The following MYO5B variants were observed in gnomAD, a reference collection of about 807,000 sequenced individuals.
MYO5B encodes myosin VB, also known as unconventional myosin-Vb.
MYO5B carries 143 observed loss-of-function variants against 229.3 expected under a neutral mutation model. The ratio of observed to expected loss-of-function variants is 0.62; its 90% confidence interval spans 0.54 to 0.72. The LOEUF is 0.72. Ranked by LOEUF, MYO5B falls within the 30% of genes least tolerant of loss-of-function variation. The probability of loss-of-function intolerance (pLI) is 0.00; values close to 1 mark genes in which losing one functional copy is unlikely to be tolerated. For missense variants in MYO5B, 2,321 were observed against 2,331.0 expected, an observed-to-expected ratio of 1.00 and a Z score of 0.09; for synonymous variants, 918 against 885.2, an observed-to-expected ratio of 1.04 and a Z score of -0.66.
Position 50,194,950 on chromosome 18 carries a change from G to C in MYO5B, c.-157C>G, listed in dbSNP as rs1020290010. The C allele has an allele frequency of 2.2e-4, 243 of 1,097,736 alleles. No homozygotes were observed. The highest frequency in any genetic ancestry group is 2.6e-4 in the Non-Finnish European group (225 of 874,390). The allele number at this position is 1,097,736 out of a possible 1,614,324, so 68.0% of individuals were successfully genotyped here. ...GCCCCGCCGGCTTCCCGCAGGCGCCGCGGCCGGCTCGCTCCCGGCGGCGCG... is the reference window on the plus strand; with the variant it reads ...GCCCCGCCGGCTTCCCGCAGGCGCCCCGGCCGGCTCGCTCCCGGCGGCGCG... On this transcript the variant is annotated 5_prime_UTR_variant, in exon 1 of 40. Transcript: ENST00000285039.
intron 9 of MYO5B, among the ~76,000 whole-genome samples, chr18:49,979,402 G>T (rs900559793): frequency 6.6e-6 from 1 of 152,158 alleles, no homozygotes; most frequent in Non-Finnish European, 1.5e-5. Context: ...TCAAACCCTA[G>T]ATCATTCCCC....
At chr18:50,185,908 C>T (rs963094561) in intron 1 of MYO5B, among the ~76,000 whole-genome samples, 2 of 152,204 alleles carry the variant, frequency 1.3e-5, no homozygotes, top group African/African-American at 4.8e-5. Context: ...ATAGACATGG[C>T]ATGATCCCAT....
chr18:50,112,685 G>A (rs540088040), intron 1 of MYO5B, among the ~76,000 whole-genome samples: 1 of 152,282 alleles, frequency 6.6e-6, no homozygotes, highest in South Asian at 2.1e-4. Context: ...CTCCCTACTG[G>A]ACTGAAGGTT....
intron 1 of MYO5B, among the ~76,000 whole-genome samples, chr18:50,096,593 T>C (rs914864874): frequency 5.3e-5 from 8 of 152,214 alleles, no homozygotes; most frequent in African/African-American, 1.9e-4. Context: ...CCATTGAGGC[T>C]GATCTCCACT....
chr18:49,864,810 C>T (rs942162325), intron 27 of MYO5B, among the ~76,000 whole-genome samples: 4 of 152,140 alleles, frequency 2.6e-5, no homozygotes, highest in Non-Finnish European at 5.9e-5. Flanking sequence ...ACTTATTTGC[C>T]CAGAGAACCC....
At chr18:49,891,678 G>C (rs2024716275) in intron 22 of MYO5B, among the ~76,000 whole-genome samples, 1 of 151,686 alleles carries the variant, frequency 6.6e-6, no homozygotes. Flanking sequence ...CCTCTTGGCT[G>C]GTCAAAGTAG....
chr18:49,943,653 C>G (rs558167694), intron 14 of MYO5B, among the ~76,000 whole-genome samples: 1 of 152,184 alleles, frequency 6.6e-6, no homozygotes, highest in Non-Finnish European at 1.5e-5. Flanking sequence ...CACTTACTGA[C>G]GCTCAAATAT....
At chr18:50,181,369 T>C (rs547701573) in intron 1 of MYO5B, among the ~76,000 whole-genome samples, 1 of 152,348 alleles carries the variant, frequency 6.6e-6, no homozygotes, top group South Asian at 2.1e-4. Flanking sequence ...AAAGCCTAAC[T>C]GTAACTCCAG....
At chr18:50,188,975 G>A (rs1319654632) in intron 1 of MYO5B, among the ~76,000 whole-genome samples, 1 of 152,078 alleles carries the variant, frequency 6.6e-6, no homozygotes, top group African/African-American at 2.4e-5. Flanking sequence ...GGGCTTATAG[G>A]CCCATCTGAA....
chr18:49,993,520 A>G (rs2025954608), intron 5 of MYO5B, among the ~76,000 whole-genome samples: 1 of 152,154 alleles, frequency 6.6e-6, no homozygotes, highest in Non-Finnish European at 1.5e-5. Flanking sequence ...TGAGATGAGT[A>G]CAGGGAGGCG....
chr18:49,902,985 G>A, intron 20 of MYO5B, 152 bp from the exon 21 acceptor site: 1 of 1,007,714 alleles, frequency 9.9e-7, no homozygotes. Context: ...CTAAGGCTTT[G>A]GTGGTTGTTT....
intron 18 of MYO5B, 41 bp downstream of exon 18, chr18:49,912,020 GA>G: frequency 1.3e-6 from 2 of 1,492,728 alleles, no homozygotes; most frequent in Non-Finnish European, 1.9e-6. Flanking sequence ...ATCTTTAGGG[GA>G]CCTGGTCAGG....
intron 16 of MYO5B, among the ~76,000 whole-genome samples, chr18:49,931,377 T>C (rs1371710086): frequency 6.6e-6 from 1 of 152,000 alleles, no homozygotes; most frequent in Non-Finnish European, 1.5e-5. Flanking sequence ...AGCCCCACCT[T>C]CTTTCCACAC....
chr18:50,122,373 A>T (rs2032073004), intron 1 of MYO5B, among the ~76,000 whole-genome samples: 1 of 144,582 alleles, frequency 6.9e-6, no homozygotes, highest in African/African-American at 2.6e-5. Flanking sequence ...AGGCCGAGGC[A>T]GGCAGATCAC....
chr18:50,183,306 C>CAGATATATATATATAT (rs2033098622), intron 1 of MYO5B, among the ~76,000 whole-genome samples: 1 of 110,010 alleles, frequency 9.1e-6, no homozygotes, highest in African/African-American at 3.7e-5. Flanking sequence ...TCAATTTTAT[C>CAGATATATATATATAT]ATATATATAT....
At chr18:50,073,058 C>A (rs79373100) in intron 1 of MYO5B, among the ~76,000 whole-genome samples, 3 of 152,150 alleles carry the variant, frequency 2.0e-5, no homozygotes, top group Admixed American at 6.5e-5. Flanking sequence ...GGACTCTCAC[C>A]TAATCCTTCA....
Position 49,822,805 on chromosome 18 carries a change from C to T in MYO5B, c.*3666G>A, listed in dbSNP as rs968127835. ...AGTTTTAAATTTCATTTAGATTTGGCACACCTCTTTATTCAAAAGTATTTA... is the reference window on the plus strand; with the variant it reads ...AGTTTTAAATTTCATTTAGATTTGGTACACCTCTTTATTCAAAAGTATTTA... On this transcript the variant is annotated 3_prime_UTR_variant, in exon 40 of 40. Coordinates refer to ENST00000285039, the MANE Select transcript of MYO5B (RefSeq NM_001080467.3). 2 of 140,422 alleles carry T rather than the reference C, an allele frequency of 1.4e-5. No homozygotes were observed. Among genetic ancestry groups the T allele is most frequent in the African/African-American group, 5.3e-5 (2 of 38,072 alleles). 8.7% of individuals were successfully genotyped at this position (140,422 alleles called of 1,614,324 possible). A position where few individuals can be genotyped will look rare whatever the true frequency, so the allele number is the denominator to read the frequency against.
At chr18:50,169,769 T>A (rs1383620276) in intron 1 of MYO5B, among the ~76,000 whole-genome samples, 1 of 127,850 alleles carries the variant, frequency 7.8e-6, no homozygotes, top group Non-Finnish European at 1.7e-5. Context: ...GCAATTTTCC[T>A]GAAGTCTGAA....
At chr18:49,840,205 G>C (rs115622583) in intron 35 of MYO5B, 2 of 152,238 alleles carry the variant, frequency 1.3e-5, no homozygotes, top group Non-Finnish European at 2.9e-5. Flanking sequence ...TTTAGAATGT[G>C]TATAACATTG....
Sources: allele counts gnomAD v4.1 joint callset (sites outside exome capture counted in the v4.1 genomes callset), GRCh38; gene constraint gnomAD v4.1.1; transcripts MANE v1.5; gene names NCBI Gene and HGNC (gene_info 2026-07-23, HGNC 2026-07-21).